MAP3K13: variants seen among roughly 807,000 people sequenced by gnomAD.
MAP3K13 encodes the protein mitogen-activated protein kinase kinase kinase 13, also known as leucine zipper-bearing kinase.
A neutral mutation model predicts 104.0 loss-of-function variants in MAP3K13; 52 were observed. The ratio of observed to expected loss-of-function variants is 0.50; its 90% confidence interval spans 0.40 to 0.63. The LOEUF (loss-of-function observed/expected upper bound fraction) is 0.63. Ranked by LOEUF, MAP3K13 falls within the 20% of genes least tolerant of loss-of-function variation. The pLI, the probability that MAP3K13 is intolerant of heterozygous loss-of-function variation, is 0.00. For missense variants in MAP3K13, 914 were observed against 1,218.5 expected (o/e 0.75, Z 3.72); for synonymous variants, 394 against 442.2 (o/e 0.89, Z 1.37).
At chr3:185,324,254 G>GT (rs1363708199) in intron 2 of MAP3K13, among the ~76,000 whole-genome samples, 1 of 151,956 alleles carries the variant, frequency 6.6e-6, no homozygotes, top group Non-Finnish European at 1.5e-5. Context: ...TCCTGACCTC[G>GT]TGATCCGCCT....
chr3:185,332,353 C>T (rs1722319062), intron 2 of MAP3K13, among the ~76,000 whole-genome samples: 3 of 152,078 alleles, frequency 2.0e-5, no homozygotes, highest in African/African-American at 4.8e-5. Context: ...TTAGAATTTA[C>T]AATAAAATTT....
At chr3:185,386,228 A>G (rs1711679763) in intron 1 of MAP3K13, among the ~76,000 whole-genome samples, 1 of 151,890 alleles carries the variant, frequency 6.6e-6, no homozygotes, top group Non-Finnish European at 1.5e-5. Context: ...AAAAAAACAA[A>G]CATTCCCATT....
chr3:185,355,421 C>T lies in MAP3K13; in HGVS notation c.-86+69778C>T, dbSNP rs145297537. ...GGCGGAGGTTGCAGTGAGCCAAGAT[C>T]GTGCCACTGCACTCCAGCCTGGGTG... On this transcript the variant is annotated intron_variant, in intron 2 of 14. Transcript: ENST00000424227. Among the ~76,000 whole-genome samples the T allele has an allele frequency of 3.8e-3, 566 of 150,246 alleles. 2 individuals carry two copies. Among genetic ancestry groups the T allele is most frequent in the African/African-American group, 0.013 (540 of 40,714 alleles).
intron 2 of MAP3K13, among the ~76,000 whole-genome samples, chr3:185,346,882 A>G (rs1722944756): frequency 6.6e-6 from 1 of 151,584 alleles, no homozygotes; most frequent in Non-Finnish European, 1.5e-5. Flanking sequence ...CCTTATTAGT[A>G]TGCTTATCTA....
rs1267194717 is a variant in MAP3K13, at chr3:185,455,692, GAT to G, written c.1278+4306_1278+4307del. On this transcript the variant is annotated intron_variant, in intron 7 of 13. Coordinates refer to ENST00000265026, the MANE Select transcript of MAP3K13 (RefSeq NM_004721.5). ...TGATATATATATGAGATATATATAT[GAT>G]ATATATATGAGATATATATGAGATA... Among the ~76,000 whole-genome samples, 25 of 18,404 alleles carry G rather than the reference GAT, an allele frequency of 1.4e-3. 2 individuals are homozygous for G. Among genetic ancestry groups the G allele is most frequent in the Non-Finnish European group, 2.1e-3 (15 of 7,146 alleles). The allele number at this position is 18,404 out of a possible 152,430, so 12.1% of individuals were successfully genotyped here. A position where few individuals can be genotyped will look rare whatever the true frequency, so the allele number is the denominator to read the frequency against.
At chr3:185,419,164 G>C (rs950934969) in intron 1 of MAP3K13, among the ~76,000 whole-genome samples, 5 of 151,924 alleles carry the variant, frequency 3.3e-5, no homozygotes, top group African/African-American at 1.2e-4. Context: ...CTACAGGTGT[G>C]CTAATTTTTG....
At chr3:185,432,690 G>A (rs2148886129) in intron 2 of MAP3K13, among the ~76,000 whole-genome samples, 1 of 152,210 alleles carries the variant, frequency 6.6e-6, no homozygotes, top group South Asian at 2.1e-4. Context: ...GATTCACCCA[G>A]CCCATATGTT....
intron 1 of MAP3K13, among the ~76,000 whole-genome samples, chr3:185,363,735 C>T (rs752101307): frequency 1.2e-4 from 18 of 152,338 alleles, no homozygotes; most frequent in Non-Finnish European, 2.6e-4. Context: ...AAGCGGGGCC[C>T]GCAAGACAGA....
intron 7 of MAP3K13, 56 bp downstream of exon 7, chr3:185,451,451 A>C: frequency 1.7e-6 from 2 of 1,148,488 alleles, no homozygotes; most frequent in Non-Finnish European, 2.6e-6. Context: ...ACTCTCAATG[A>C]AACAGAGTAA....
chr3:185,460,386 C>T (rs1302212122), intron 7 of MAP3K13, among the ~76,000 whole-genome samples: 3 of 152,146 alleles, frequency 2.0e-5, no homozygotes, highest in African/African-American at 7.2e-5. Flanking sequence ...AGGAGAGCAA[C>T]GCTGGTTCTG....
intron 1 of MAP3K13, among the ~76,000 whole-genome samples, chr3:185,367,413 A>C (rs1723941804): frequency 6.6e-6 from 1 of 152,192 alleles, no homozygotes; most frequent in Admixed American, 6.5e-5. Flanking sequence ...GAATCAGGAA[A>C]GAAAATGAGC....
At chr3:185,478,356 T>C (rs1273718221) in intron 12 of MAP3K13, among the ~76,000 whole-genome samples, 1 of 151,910 alleles carries the variant, frequency 6.6e-6, no homozygotes, top group Non-Finnish European at 1.5e-5. Context: ...CCCAGGAAGG[T>C]TTGTGTACCT....
intron 1 of MAP3K13, among the ~76,000 whole-genome samples, chr3:185,404,501 A>T (rs1712996001): frequency 6.6e-6 from 1 of 152,186 alleles, no homozygotes; most frequent in South Asian, 2.1e-4. Flanking sequence ...TGTCCTTAAA[A>T]GTTGGGGTTG....
chr3:185,484,535 A>T lies in MAP3K13; in HGVS notation c.*2079A>T, dbSNP rs1718632658. 1.3e-5 allele frequency: 2 copies of T among 152,240 alleles called. No homozygotes were observed. The highest frequency in any genetic ancestry group is 4.8e-5 in the African/African-American group (2 of 41,460). The allele number at this position is 152,240 out of a possible 1,614,324, so 9.4% of individuals were successfully genotyped here. ...CGCTCCTCTGGGTTTTACTGATTGC[A>T]TCAGCCAAAAAGGAAAGGCAGGAGG... On this transcript the variant is annotated 3_prime_UTR_variant, in exon 14 of 14. Coordinates refer to ENST00000265026, the MANE Select transcript of MAP3K13 (RefSeq NM_004721.5).
chr3:185,386,131 C>T (rs778728218), intron 1 of MAP3K13, among the ~76,000 whole-genome samples: 5 of 151,986 alleles, frequency 3.3e-5, no homozygotes, highest in South Asian at 4.2e-4. Context: ...AGACAATCTA[C>T]GGAATGGGAG....
chr3:185,417,938 T>A (rs1443639410), intron 1 of MAP3K13: 16 of 1,605,424 alleles, frequency 1.0e-5, no homozygotes, highest in African/African-American at 2.7e-5. Flanking sequence ...AACTTGTGCA[T>A]GGGAAGATTG....
chr3:185,417,401 T>C (rs1713840099), intron 1 of MAP3K13: 1 of 1,257,852 alleles, frequency 8.0e-7, no homozygotes. Context: ...TCTTTTCTTT[T>C]CTTTTTTTCC....
chr3:185,383,320 C>T (rs1711507014), intron 1 of MAP3K13, among the ~76,000 whole-genome samples: 1 of 152,012 alleles, frequency 6.6e-6, no homozygotes, highest in African/African-American at 2.4e-5. Flanking sequence ...CCACAATAAA[C>T]ATACGTGTGC....
rs1717952622 is a variant in MAP3K13, at chr3:185,473,786, C to T, written c.2430+25C>T. ...GGTAAAGTGTAATGATGAGAGTGGCCTGCGTCACTGCCTTCAAAGAATGCC... is the reference window on the plus strand; with the variant it reads ...GGTAAAGTGTAATGATGAGAGTGGCTTGCGTCACTGCCTTCAAAGAATGCC... On this transcript the variant is annotated intron_variant, in intron 11 of 13. Transcript: ENST00000265026. This position sits in a 1 kb window ranked among gnomAD's most constrained non-coding sequence, Gnocchi z 4.9. 6.3e-7 allele frequency: 1 copy of T among 1,586,128 alleles called. No homozygotes were observed. Among genetic ancestry groups the T allele is most frequent in the Admixed American group, 1.8e-5 (1 of 56,314 alleles).
Sources: gnomAD v4.1 joint callset for allele counts (sites outside exome capture counted in the v4.1 genomes callset) on GRCh38, gnomAD v4.1.1 for gene constraint, Gnocchi (gnomAD v3.1) non-coding constraint, MANE v1.5 for transcripts, NCBI Gene and HGNC (gene_info 2026-07-23, HGNC 2026-07-21) for gene names.